The following EML6 variants were observed in gnomAD, a reference collection of about 807,000 sequenced individuals.
EML6 encodes EMAP like 6.
EML6 carries 154 observed loss-of-function variants against 240.1 expected under a neutral mutation model. The observed-to-expected ratio is 0.64, with a 90% CI of 0.56 to 0.73. The LOEUF is 0.73. Among genes scored for constraint, EML6 ranks in the 30% least tolerant of loss-of-function variants. The probability of loss-of-function intolerance (pLI) is 0.00; values close to 1 mark genes in which losing one functional copy is unlikely to be tolerated. For missense variants in EML6, 2,964 were observed against 2,474.6 expected (o/e 1.20, Z -4.20); for synonymous variants, 1,148 against 899.0 (o/e 1.28, Z -4.95).
chr2:54,820,733 T>C (rs898005715), intron 5 of EML6, among the ~76,000 whole-genome samples: 3 of 152,308 alleles, frequency 2.0e-5, no homozygotes, highest in East Asian at 1.9e-4. Context: ...TGAAGACTCA[T>C]AATACTTGTG....
At chr2:54,948,681 C>T (rs552935761) in intron 28 of EML6, among the ~76,000 whole-genome samples, 22 of 152,258 alleles carry the variant, frequency 1.4e-4, no homozygotes, top group African/African-American at 5.3e-4. Context: ...GGAGGCCCAA[C>T]CCAGTGCCTG....
chr2:54,924,865 T>A (rs1307286281), intron 26 of EML6, among the ~76,000 whole-genome samples: 5 of 152,120 alleles, frequency 3.3e-5, no homozygotes, highest in African/African-American at 7.2e-5. Context: ...ACCCAGCCTC[T>A]TCTTTTTTTT....
chr2:54,758,438 C>T (rs1055167573), intron 2 of EML6, among the ~76,000 whole-genome samples: 7 of 152,238 alleles, frequency 4.6e-5, no homozygotes, highest in Middle Eastern at 3.4e-3. Flanking sequence ...GACCTCTATA[C>T]GTGTGGTTTC....
intron 17 of EML6, among the ~76,000 whole-genome samples, chr2:54,885,447 CAAA>C (rs774663095): frequency 2.8e-5 from 4 of 142,410 alleles, no homozygotes; most frequent in Non-Finnish European, 6.2e-5. Context: ...AACTCTGTCT[CAAA>C]AAAAAAAAAA....
At chr2:54,870,900 C>G (rs577801504) in intron 15 of EML6, among the ~76,000 whole-genome samples, 1 of 152,124 alleles carries the variant, frequency 6.6e-6, no homozygotes, top group Non-Finnish European at 1.5e-5. Flanking sequence ...CAACAGGTTT[C>G]CCCACCCCCC....
At chr2:54,865,751 A>G (rs1389368006) in intron 13 of EML6, among the ~76,000 whole-genome samples, 3 of 152,238 alleles carry the variant, frequency 2.0e-5, no homozygotes, top group African/African-American at 7.2e-5. Flanking sequence ...CTCAACCTGT[A>G]TATTCTCCCT....
intron 2 of EML6, among the ~76,000 whole-genome samples, chr2:54,762,159 C>G (rs1172278985): frequency 1.3e-5 from 2 of 152,112 alleles, no homozygotes; most frequent in Non-Finnish European, 2.9e-5. Context: ...GCCTAAGCCT[C>G]TCTTTATCTT....
intron 5 of EML6, among the ~76,000 whole-genome samples, chr2:54,826,551 G>A (rs534987498): frequency 2.6e-5 from 4 of 152,302 alleles, no homozygotes; most frequent in African/African-American, 9.6e-5. Context: ...AGTGAGCCAA[G>A]ATCGGGCCAC....
chr2:54,941,761 C>T (rs578139992), intron 28 of EML6, among the ~76,000 whole-genome samples: 4 of 152,344 alleles, frequency 2.6e-5, no homozygotes, highest in African/African-American at 7.2e-5. Context: ...TGATGGCACA[C>T]GCGTAGTGCA....
At chr2:54,815,885 G>T (rs773708210) in intron 3 of EML6, among the ~76,000 whole-genome samples, 1 of 152,070 alleles carries the variant, frequency 6.6e-6, no homozygotes, top group Non-Finnish European at 1.5e-5. Flanking sequence ...TCTTACACTT[G>T]GGGAATACCA....
intron 2 of EML6, among the ~76,000 whole-genome samples, chr2:54,745,621 TA>T (rs1683877993): frequency 1.3e-5 from 2 of 151,854 alleles, no homozygotes; most frequent in Admixed American, 1.3e-4. Flanking sequence ...TACAAAAAAA[TA>T]AAAATAAAAT....
intron 11 of EML6, among the ~76,000 whole-genome samples, chr2:54,857,557 A>T (rs1420516466): frequency 1.3e-5 from 2 of 152,206 alleles, no homozygotes. Context: ...TATACAAGAA[A>T]ATATAAACAT....
intron 26 of EML6, among the ~76,000 whole-genome samples, chr2:54,917,522 C>T (rs1169565348): frequency 6.6e-6 from 1 of 152,052 alleles, no homozygotes. Context: ...GCCAGCACGC[C>T]AGACTAATTT....
In EML6 at chr2:54,826,861, AAT is replaced by A. The variant is rs567283501; in HGVS notation, c.526-700_526-699del. Among the ~76,000 whole-genome samples, 633 of 152,318 alleles carry A rather than the reference AAT, an allele frequency of 4.2e-3. 7 individuals carry two copies. The highest frequency in any genetic ancestry group is 6.7e-3 in the Non-Finnish European group (454 of 68,030). ...CACTTAAAGTTAGAAATTATTTCCAAATATATGTACACTAAAAATACCTAGAT... is the reference window on the plus strand; with the variant it reads ...CACTTAAAGTTAGAAATTATTTCCAAATATGTACACTAAAAATACCTAGAT... On this transcript the variant is annotated intron_variant, in intron 5 of 41. Transcript: ENST00000356458.
At position 54,856,714 on chromosome 2, in the gene EML6, C is replaced by G. The variant is rs941913364; in HGVS notation, c.1658-2820C>G. On this transcript the variant is annotated intron_variant, in intron 11 of 41. Coordinates refer to ENST00000356458, the MANE Select transcript of EML6 (RefSeq NM_001039753.4). The stretch of plus-strand genomic sequence containing the variant: ...ATTGGAGAGGGTGACAGGGCTGTGT[C>G]GTAAAGGGCCCCCTGGCCACTACTA... Among the ~76,000 whole-genome samples, 2 of 152,206 alleles carry G rather than the reference C, an allele frequency of 1.3e-5. 1 individual carries two copies. The highest frequency in any genetic ancestry group is 4.1e-4 in the South Asian group (2 of 4,824).
chr2:54,853,621 T>C (rs1437988956), intron 10 of EML6, 22 bp from the exon 11 acceptor site: 1 of 1,376,956 alleles, frequency 7.3e-7, no homozygotes, highest in Non-Finnish European at 9.9e-7. Flanking sequence ...TTAAATGTAA[T>C]GTTAATATTG....
At chr2:54,850,536 T>C (rs764972697) in intron 10 of EML6, among the ~76,000 whole-genome samples, 20 of 151,496 alleles carry the variant, frequency 1.3e-4, no homozygotes, top group Non-Finnish European at 2.9e-4. Context: ...ACAAAAGATA[T>C]ATATCTAGAA....
intron 24 of EML6, among the ~76,000 whole-genome samples, chr2:54,904,049 C>G (rs1673193853): frequency 6.6e-6 from 1 of 152,178 alleles, no homozygotes; most frequent in Non-Finnish European, 1.5e-5. Context: ...TTTAATAACT[C>G]TAGCTTTTAT....
chr2:54,843,362 G>A (rs762349696), intron 7 of EML6, among the ~76,000 whole-genome samples: 18 of 152,002 alleles, frequency 1.2e-4, no homozygotes, highest in Non-Finnish European at 2.4e-4. Flanking sequence ...CCCGGAAGTC[G>A]AGGCTTCAGT....
Sources: allele counts gnomAD v4.1 joint callset (sites outside exome capture counted in the v4.1 genomes callset), GRCh38; gene constraint gnomAD v4.1.1; transcripts MANE v1.5; gene names NCBI Gene and HGNC (gene_info 2026-07-23, HGNC 2026-07-21).